The following GMDS variants were observed in gnomAD, a reference collection of about 807,000 sequenced individuals.
GMDS encodes the protein GDP-mannose 4,6-dehydratase, also known as GDP-mannose 4,6 dehydratase.
GMDS carries 20 observed loss-of-function variants against 49.9 expected under a neutral mutation model. That is an observed-to-expected ratio of 0.40 (90% confidence interval 0.28 to 0.58). The LOEUF (loss-of-function observed/expected upper bound fraction) is 0.58, where lower values mean the gene tolerates loss of function less well. GMDS is among the 20% of genes least tolerant of loss of function. The pLI, the probability that GMDS is intolerant of heterozygous loss-of-function variation, is 0.42. For missense variants in GMDS, 362 were observed against 481.4 expected, an observed-to-expected ratio of 0.75 and a Z score of 2.32; for synonymous variants, 177 against 178.6, an observed-to-expected ratio of 0.99 and a Z score of 0.07.
chr6:2,007,348 T>A (rs1173306739), intron 4 of GMDS, among the ~76,000 whole-genome samples: 2 of 152,156 alleles, frequency 1.3e-5, no homozygotes, highest in Non-Finnish European at 2.9e-5. Flanking sequence ...ATGCCATTCT[T>A]TCACAATTCT....
intron 7 of GMDS, among the ~76,000 whole-genome samples, chr6:1,893,317 C>T (rs1759973413): frequency 1.3e-5 from 2 of 151,872 alleles, no homozygotes; most frequent in African/African-American, 4.8e-5. Context: ...CCTCTGCCTC[C>T]TGAGTAGCTG....
At chr6:1,894,766 G>A (rs1328836790) in intron 7 of GMDS, among the ~76,000 whole-genome samples, 4 of 152,186 alleles carry the variant, frequency 2.6e-5, no homozygotes, top group African/African-American at 9.7e-5. Flanking sequence ...AAAAGACTGA[G>A]CTCCATGGAG....
chr6:2,134,360 T>C (rs1298162298), intron 1 of GMDS, among the ~76,000 whole-genome samples: 1 of 152,222 alleles, frequency 6.6e-6, no homozygotes, highest in Non-Finnish European at 1.5e-5. Flanking sequence ...TCAGTGGTAC[T>C]GATAGAAAAC....
chr6:2,026,453 G>C (rs187686814), intron 4 of GMDS, among the ~76,000 whole-genome samples: 1 of 152,138 alleles, frequency 6.6e-6, no homozygotes, highest in African/African-American at 2.4e-5. Context: ...CAATTTACAC[G>C]AGACATAAAG....
chr6:1,831,767 G>A (rs1303874285), intron 7 of GMDS, among the ~76,000 whole-genome samples: 2 of 152,094 alleles, frequency 1.3e-5, no homozygotes, highest in African/African-American at 2.4e-5. Flanking sequence ...CTAGCATATT[G>A]AAAAATTAGA....
At position 1,833,368 on chromosome 6, in the gene GMDS, AC is replaced by A. The variant is rs1208768339; in HGVS notation, c.772-90783del. Among the ~76,000 whole-genome samples, 1 of 152,024 alleles carries A rather than the reference AC, an allele frequency of 6.6e-6. No individual in the cohort carries two copies. The highest frequency in any genetic ancestry group is 2.4e-5 in the African/African-American group (1 of 41,392). On this transcript the variant is annotated intron_variant, in intron 7 of 10. Transcript: ENST00000380815. The surrounding 1 kb of genome is among the most constrained non-coding windows in gnomAD (Gnocchi z 4.4). ...CTCATCTCGGAGGTGTCAGGATAAA[AC>A]ATGAGAACAGCATCTGTCCTCAGAG... is the stretch of plus-strand genomic sequence containing the variant.
chr6:1,665,668 G>C (rs577944515), intron 9 of GMDS, among the ~76,000 whole-genome samples: 2 of 152,300 alleles, frequency 1.3e-5, no homozygotes, highest in South Asian at 4.1e-4. Flanking sequence ...ACCAGGACCA[G>C]AGCAGGAGGC....
intron 4 of GMDS, among the ~76,000 whole-genome samples, chr6:2,024,857 T>C (rs183145502): frequency 2.0e-3 from 304 of 151,328 alleles, no homozygotes; most frequent in Non-Finnish European, 3.8e-3. Flanking sequence ...TCAAATACAC[T>C]GAAAGCAAAA....
intron 1 of GMDS, among the ~76,000 whole-genome samples, chr6:2,193,412 C>T (rs1013422632): frequency 1.3e-5 from 2 of 152,220 alleles, no homozygotes; most frequent in African/African-American, 4.8e-5. Flanking sequence ...CTGCCATCCA[C>T]GTGCCACAGT....
chr6:2,024,255 A>G (rs998893575), intron 4 of GMDS, among the ~76,000 whole-genome samples: 1 of 152,170 alleles, frequency 6.6e-6, no homozygotes, highest in Admixed American at 6.5e-5. Context: ...CAGACAAGAC[A>G]GAGAGTTTAT....
In GMDS at chr6:1,635,064, AG is replaced by A. The variant is rs1252764523; in HGVS notation, c.988-10525del. 2.0e-5 allele frequency among the ~76,000 whole-genome samples: 3 copies of A among 152,206 alleles called. No homozygotes were observed. Among genetic ancestry groups the A allele is most frequent in the Admixed American group, 2.0e-4 (3 of 15,278 alleles). On this transcript the variant is annotated intron_variant, in intron 9 of 10. Coordinates refer to ENST00000380815, the MANE Select transcript of GMDS (RefSeq NM_001500.4). This position sits in a 1 kb window ranked among gnomAD's most constrained non-coding sequence, Gnocchi z 4.7. ...GTGTGCCTCTCACCACAGCCCTGCC[AG>A]CATTACGTGTCATCTCCTTTTTCAC...
chr6:1,974,163 C>T (rs1465642359), intron 4 of GMDS, among the ~76,000 whole-genome samples: 4 of 150,792 alleles, frequency 2.7e-5, no homozygotes, highest in Non-Finnish European at 4.4e-5. Context: ...AAAAAAAAAC[C>T]TAAGCTGTGA....
chr6:2,165,432 A>G (rs1777616350), intron 1 of GMDS, among the ~76,000 whole-genome samples: 1 of 152,196 alleles, frequency 6.6e-6, no homozygotes, highest in Non-Finnish European at 1.5e-5. Context: ...CAGGCAGGAG[A>G]AATTCCCTCT....
At chr6:2,244,611 G>A (rs1454085349) in intron 1 of GMDS, among the ~76,000 whole-genome samples, 1 of 152,172 alleles carries the variant, frequency 6.6e-6, no homozygotes, top group Non-Finnish European at 1.5e-5. Flanking sequence ...ACATTCCGAA[G>A]ACCTCCTCTT....
chr6:2,182,696 C>T (rs1778607058), intron 1 of GMDS, among the ~76,000 whole-genome samples: 1 of 152,150 alleles, frequency 6.6e-6, no homozygotes, highest in Non-Finnish European at 1.5e-5. Context: ...CTATTGAGAC[C>T]TATTGCTCAA....
chr6:1,953,624 A>G (rs1230863479), intron 6 of GMDS, among the ~76,000 whole-genome samples: 2 of 152,206 alleles, frequency 1.3e-5, no homozygotes, highest in African/African-American at 4.8e-5. Flanking sequence ...GTTACATTAC[A>G]TATGTGATGA....
At chr6:1,888,217 C>T (rs1581309832) in intron 7 of GMDS, among the ~76,000 whole-genome samples, 1 of 151,314 alleles carries the variant, frequency 6.6e-6, no homozygotes, top group East Asian at 1.9e-4. Flanking sequence ...GCTATCCTCC[C>T]CATATTAGTA....
In GMDS at chr6:1,766,526, G is replaced by A. The variant is rs560807452; in HGVS notation, c.772-23940C>T. ...AACTCACTTTCTAATGAACAAAGTC[G>A]CTTACTTTGAAAAGTGATTTCTCTC... On this transcript the variant is annotated intron_variant, in intron 7 of 10. Coordinates refer to ENST00000380815, the MANE Select transcript of GMDS (RefSeq NM_001500.4). This position sits in a 1 kb window ranked among gnomAD's most constrained non-coding sequence, Gnocchi z 4.5. Among the ~76,000 whole-genome samples the A allele has an allele frequency of 2.6e-5, 4 of 152,168 alleles. No individual in the cohort carries two copies. Among genetic ancestry groups the A allele is most frequent in the Non-Finnish European group, 4.4e-5 (3 of 68,012 alleles).
chr6:1,829,249 G>C (rs535684956), intron 7 of GMDS, among the ~76,000 whole-genome samples: 1 of 152,170 alleles, frequency 6.6e-6, no homozygotes, highest in South Asian at 2.1e-4. Flanking sequence ...GGTTAACTGT[G>C]TATCTATATT....
Sources: gnomAD v4.1 joint callset for allele counts (sites outside exome capture counted in the v4.1 genomes callset) on GRCh38, gnomAD v4.1.1 for gene constraint, Gnocchi (gnomAD v3.1) non-coding constraint, MANE v1.5 for transcripts, NCBI Gene and HGNC (gene_info 2026-07-23, HGNC 2026-07-21) for gene names.